The following PRR16 variants were observed in gnomAD, a reference collection of about 807,000 sequenced individuals.
PRR16 encodes the protein proline rich 16, also known as protein Largen.
A neutral mutation model predicts 18.2 loss-of-function variants in PRR16; 6 were observed. The observed-to-expected ratio is 0.33, with a 90% confidence interval of 0.18 to 0.65. PRR16 has a LOEUF of 0.65. PRR16 is among the 30% of genes least tolerant of loss of function. PRR16 has a pLI of 0.74. For synonymous variants in PRR16, 151 were observed against 147.8 expected (o/e 1.02, Z -0.16); for missense variants, 412 against 376.6 (o/e 1.09, Z -0.78).
chr5:120,624,055 A>T (rs547727409), intron 1 of PRR16, among the ~76,000 whole-genome samples: 1 of 152,292 alleles, frequency 6.6e-6, no homozygotes, highest in African/African-American at 2.4e-5. Flanking sequence ...TTCCCAAGGG[A>T]CATAAATTGT....
chr5:120,664,357 C>A (rs778479751), intron 1 of PRR16, among the ~76,000 whole-genome samples: 1 of 151,704 alleles, frequency 6.6e-6, no homozygotes, highest in Non-Finnish European at 1.5e-5. Flanking sequence ...TGCTGCAATC[C>A]TGGGAAGGTA....
chr5:120,643,868 G>A (rs143178905), intron 1 of PRR16, among the ~76,000 whole-genome samples: 231 of 152,178 alleles, frequency 1.5e-3, no homozygotes, highest in African/African-American at 5.2e-3. Flanking sequence ...AGCCCGGCAT[G>A]GTGGTGGGTG....
Position 120,686,920 on chromosome 5 carries a change from A to G in PRR16, c.*211A>G, listed in dbSNP as rs1936537443. ...ATGTTGTATCATTAAAAACCTCAGA[A>G]TGATGAAAAATATGAATGATGCATT... is the stretch of plus-strand genomic sequence containing the variant. On this transcript the variant is annotated 3_prime_UTR_variant, in exon 2 of 2. Coordinates refer to ENST00000407149, the MANE Select transcript of PRR16 (RefSeq NM_001300783.2). The G allele has an allele frequency of 5.3e-6, 2 of 376,274 alleles. No individual in the cohort carries two copies. 23.3% of individuals were successfully genotyped at this position (376,274 alleles called of 1,614,324 possible).
At chr5:120,560,341 C>T (rs987798965) in intron 1 of PRR16, among the ~76,000 whole-genome samples, 2 of 151,804 alleles carry the variant, frequency 1.3e-5, no homozygotes, top group African/African-American at 4.8e-5. Flanking sequence ...GGGTTTTTAT[C>T]ATGAAGGAAT....
chr5:120,533,635 A>C (rs924711169), intron 1 of PRR16, among the ~76,000 whole-genome samples: 1 of 152,182 alleles, frequency 6.6e-6, no homozygotes, highest in Non-Finnish European at 1.5e-5. Context: ...AAAGTTTCCA[A>C]AGCAGGAGCG....
chr5:120,533,194 C>T (rs1294287142), intron 1 of PRR16, among the ~76,000 whole-genome samples: 1 of 152,126 alleles, frequency 6.6e-6, no homozygotes, highest in East Asian at 1.9e-4. Context: ...TCTCTTCATC[C>T]ACTGAATATA....
intron 1 of PRR16, among the ~76,000 whole-genome samples, chr5:120,564,726 C>G (rs760003088): frequency 1.2e-4 from 19 of 152,136 alleles, no homozygotes; most frequent in Non-Finnish European, 2.6e-4. Context: ...GTGGCTCACG[C>G]CTGTAATCCC....
At chr5:120,778,292 C>T in the PRR16 span, among the ~76,000 whole-genome samples, 7 of 152,030 alleles carry the variant, frequency 4.6e-5, no homozygotes, top group African/African-American at 1.7e-4. Flanking sequence ...TCAAGTAAAA[C>T]AGAACCATTT....
the PRR16 span, among the ~76,000 whole-genome samples, chr5:120,710,003 G>A: frequency 6.6e-6 from 1 of 152,072 alleles, no homozygotes; most frequent in African/African-American, 2.4e-5. Context: ...CAGTGAGATT[G>A]CTGGATCATG....
intron 1 of PRR16, among the ~76,000 whole-genome samples, chr5:120,628,957 T>G (rs1394296814): frequency 6.6e-6 from 1 of 152,034 alleles, no homozygotes; most frequent in Non-Finnish European, 1.5e-5. Context: ...CACAGGGGTT[T>G]GGGGTATAGA....
At chr5:120,508,433 T>A (rs965265143) in intron 1 of PRR16, among the ~76,000 whole-genome samples, 1 of 152,146 alleles carries the variant, frequency 6.6e-6, no homozygotes, top group Non-Finnish European at 1.5e-5. Context: ...GGAGAATGTG[T>A]GGAGTCTGAT....
chr5:120,746,066 G>T, the PRR16 span, among the ~76,000 whole-genome samples: 1 of 151,744 alleles, frequency 6.6e-6, no homozygotes, highest in Non-Finnish European at 1.5e-5. Flanking sequence ...TTGAGATTTG[G>T]CATAATTCTG....
chr5:120,666,493 A>G (rs1270978212), intron 1 of PRR16, among the ~76,000 whole-genome samples: 7 of 151,378 alleles, frequency 4.6e-5, no homozygotes, highest in Non-Finnish European at 1.0e-4. Context: ...TTCCAACACT[A>G]TGTTGCATAG....
chr5:120,482,731 T>C (rs1221824286), intron 1 of PRR16, among the ~76,000 whole-genome samples: 1 of 152,182 alleles, frequency 6.6e-6, no homozygotes, highest in Non-Finnish European at 1.5e-5. Context: ...ACTGAACTAA[T>C]TTATAGCTCC....
chr5:120,573,028 A>G (rs915328514), intron 1 of PRR16, among the ~76,000 whole-genome samples: 1 of 152,162 alleles, frequency 6.6e-6, no homozygotes, highest in Admixed American at 6.5e-5. Flanking sequence ...GACAAAATCC[A>G]TAATGCATTT....
chr5:120,562,915 T>G (rs1752621558), intron 1 of PRR16, among the ~76,000 whole-genome samples: 1 of 152,184 alleles, frequency 6.6e-6, no homozygotes, highest in African/African-American at 2.4e-5. Context: ...GGTTGTATAT[T>G]CTAATTACAG....
At chr5:120,668,164 A>G (rs200974655) in intron 1 of PRR16, among the ~76,000 whole-genome samples, 8,744 of 151,342 alleles carry the variant, frequency 0.058, 302 homozygotes, top group South Asian at 0.082. Context: ...TATATTTAGG[A>G]TAGTTAGCTC....
intron 1 of PRR16, among the ~76,000 whole-genome samples, chr5:120,497,957 A>G (rs987038933): frequency 6.6e-6 from 1 of 151,756 alleles, no homozygotes; most frequent in Non-Finnish European, 1.5e-5. Context: ...TTTAATAGAC[A>G]GAATATAGTC....
At chr5:120,504,987 C>G (rs1750593292) in intron 1 of PRR16, among the ~76,000 whole-genome samples, 1 of 152,070 alleles carries the variant, frequency 6.6e-6, no homozygotes, top group Non-Finnish European at 1.5e-5. Context: ...TATTGTAGCA[C>G]CTCTCAGGTT....
Sources: gnomAD v4.1 joint callset for allele counts (sites outside exome capture counted in the v4.1 genomes callset) on GRCh38, gnomAD v4.1.1 for gene constraint, MANE v1.5 for transcripts, NCBI Gene and HGNC (gene_info 2026-07-23, HGNC 2026-07-21) for gene names.